The following ABCC12 variants were observed in gnomAD, a reference collection of about 807,000 sequenced individuals.
The protein encoded by ABCC12 is ATP-binding cassette sub-family C member 12.
A neutral mutation model predicts 151.1 loss-of-function variants in ABCC12; 142 were observed. That is an observed-to-expected ratio of 0.94 (90% CI 0.82 to 1.08). The LOEUF (loss-of-function observed/expected upper bound fraction) is 1.08. Ranked by LOEUF, ABCC12 falls within the 50% of genes least tolerant of loss-of-function variation. ABCC12 has a pLI of 0.00. For synonymous variants in ABCC12, 645 were observed against 646.4 expected (o/e 1.00, Z 0.03); for missense variants, 1,638 against 1,691.1 (o/e 0.97, Z 0.55).
intron 24 of ABCC12, among the ~76,000 whole-genome samples, chr16:48,094,631 T>C (rs774267749): frequency 6.6e-5 from 10 of 152,316 alleles, no homozygotes; most frequent in Admixed American, 1.3e-4. Flanking sequence ...GGAGCACACA[T>C]GCACATGGAC....
chr16:48,147,373 T>C (rs1965037888), intron 2 of ABCC12, among the ~76,000 whole-genome samples: 1 of 152,194 alleles, frequency 6.6e-6, no homozygotes. Flanking sequence ...TTCTCCTTTT[T>C]TACCTAAGGT....
At chr16:48,097,161 C>T (rs1379279629) in intron 23 of ABCC12, among the ~76,000 whole-genome samples, 1 of 152,154 alleles carries the variant, frequency 6.6e-6, no homozygotes, top group Non-Finnish European at 1.5e-5. Flanking sequence ...GAGTAGGGTG[C>T]TAAGTGGCTC....
chr16:48,147,814 C>T (rs892005179), intron 2 of ABCC12, among the ~76,000 whole-genome samples: 1 of 152,210 alleles, frequency 6.6e-6, no homozygotes, highest in Non-Finnish European at 1.5e-5. Flanking sequence ...ATCATAATGT[C>T]TTCATCTCAA....
intron 9 of ABCC12, 69 bp from the exon 10 acceptor site, chr16:48,130,964 A>G (rs1964405983): frequency 3.7e-6 from 4 of 1,073,166 alleles, no homozygotes; most frequent in Non-Finnish European, 4.2e-6. Context: ...CGTTATACAC[A>G]TGGGGTTTAA....
In ABCC12 at chr16:48,081,712, G is replaced by T. The variant is rs1265826115; in HGVS notation, c.*2003C>A. 6.6e-6 allele frequency among the ~76,000 whole-genome samples: 1 copy of T among 152,204 alleles called. No individual in the cohort carries two copies. Among genetic ancestry groups the T allele is most frequent in the Non-Finnish European group, 1.5e-5 (1 of 68,024 alleles). On this transcript the variant is annotated 3_prime_UTR_variant, in exon 31 of 31. Transcript: ENST00000311303. ...GGATCAATGTCGGTGTTCTTCTTCTGCCAGAGTAAACCAAAGCGAGTGTGG... is the reference window on the plus strand; with the variant it reads ...GGATCAATGTCGGTGTTCTTCTTCTTCCAGAGTAAACCAAAGCGAGTGTGG...
chr16:48,139,420 G>A, intron 6 of ABCC12, 84 bp from the exon 7 acceptor site: 2 of 1,431,894 alleles, frequency 1.4e-6, no homozygotes, highest in Admixed American at 2.3e-5. Context: ...TTGGCCGAGG[G>A]GATCTAGGGA....
At chr16:48,085,794 T>C (rs1248868999) in intron 28 of ABCC12, 88 bp from the exon 29 acceptor site, 2 of 1,046,914 alleles carry the variant, frequency 1.9e-6, no homozygotes, top group Admixed American at 3.8e-5. Flanking sequence ...TTCTCTTGCA[T>C]TCATCAGCTT....
chr16:48,115,190 G>T (rs1028449341), intron 15 of ABCC12, among the ~76,000 whole-genome samples: 12 of 152,286 alleles, frequency 7.9e-5, no homozygotes, highest in Middle Eastern at 3.4e-3. Flanking sequence ...ACCCTCTGGT[G>T]CAGGAAAAGT....
intron 14 of ABCC12, 96 bp from the exon 15 acceptor site, chr16:48,115,714 G>A: frequency 7.8e-7 from 1 of 1,275,686 alleles, no homozygotes; most frequent in Non-Finnish European, 1.1e-6. Flanking sequence ...TCAGGGGAAA[G>A]ACGTACACAC....
chr16:48,098,090 GACACACAC>G (rs66949388), intron 23 of ABCC12, among the ~76,000 whole-genome samples: 279 of 121,960 alleles, frequency 2.3e-3, no homozygotes, highest in Middle Eastern at 4.3e-3. Flanking sequence ...TGCCCCACCT[GACACACAC>G]ACACACACAC....
At chr16:48,109,267 C>T (rs1371894184) in intron 18 of ABCC12, among the ~76,000 whole-genome samples, 4 of 152,174 alleles carry the variant, frequency 2.6e-5, no homozygotes. Context: ...GCGTATCCCC[C>T]TAGGTCAGCT....
chr16:48,085,814 T>C, intron 28 of ABCC12, 108 bp from the exon 29 acceptor site: 1 of 894,976 alleles, frequency 1.1e-6, no homozygotes, highest in South Asian at 1.5e-5. Flanking sequence ...TGCTTTATTT[T>C]ACTGTGGCAA....
In ABCC12 at chr16:48,124,583, A is replaced by C. The variant is rs945213297; in HGVS notation, c.1516-299T>G. ...TGAAACAGCCTTGTGCTGGTCTGGG[A>C]GACACAGGCCTTGAACAGGAAGGCT... is the stretch of plus-strand genomic sequence containing the variant. On this transcript the variant is annotated intron_variant, in intron 11 of 30. Transcript: ENST00000311303. 4.6e-5 allele frequency among the ~76,000 whole-genome samples: 7 copies of C among 152,364 alleles called. 1 individual carries two copies. The highest frequency in any genetic ancestry group is 4.6e-4 in the Admixed American group (7 of 15,308).
intron 25 of ABCC12, among the ~76,000 whole-genome samples, chr16:48,089,112 G>A (rs1962766495): frequency 6.6e-6 from 1 of 152,124 alleles, no homozygotes; most frequent in African/African-American, 2.4e-5. Flanking sequence ...CCTCCAGGTT[G>A]GGGGAATAGC....
chr16:48,115,508 G>A lies in ABCC12; in HGVS notation c.1896C>T (p.Ala632=), dbSNP rs759480311. 2.7e-5 allele frequency: 43 copies of A among 1,614,062 alleles called. No homozygotes were observed. In the Middle Eastern group the frequency reaches 4.9e-4, roughly 19 times the overall value. Reference sequence around the variant, plus strand: ...CGTGCTTCCCCACGTGGGCGTCCACGGCCGACAGGGGGTCGTCCAGCAGGT... The same window carrying A: ...CGTGCTTCCCCACGTGGGCGTCCACAGCCGACAGGGGGTCGTCCAGCAGGT... The part of the protein sequence containing the change: ...QLYLLDDPLS[A]VDAHVGKHVF... The change falls in exon 15 of 31, where the codon GCC becomes GCT. Residue 632 remains alanine (A), a synonymous_variant. Coordinates refer to ENST00000311303, the MANE Select transcript of ABCC12 (RefSeq NM_001393797.1).
intron 4 of ABCC12, among the ~76,000 whole-genome samples, chr16:48,142,945 T>C (rs968555863): frequency 2.6e-5 from 4 of 152,308 alleles, no homozygotes; most frequent in East Asian, 1.9e-4. Context: ...GAGATTTTCA[T>C]AGTGCTTGCC....
chr16:48,133,195 C>T (rs1359049050), intron 9 of ABCC12, among the ~76,000 whole-genome samples: 4 of 152,280 alleles, frequency 2.6e-5, no homozygotes, highest in Admixed American at 1.3e-4. Context: ...CAGGCTCTCC[C>T]GGGCCCCTTG....
chr16:48,117,714 G>T (rs1303410545), intron 13 of ABCC12, among the ~76,000 whole-genome samples: 1 of 152,174 alleles, frequency 6.6e-6, no homozygotes, highest in Non-Finnish European at 1.5e-5. Context: ...ATGGCCTCCT[G>T]GGGGTCACAG....
intron 11 of ABCC12, among the ~76,000 whole-genome samples, chr16:48,126,628 A>T (rs1964249384): frequency 6.6e-6 from 1 of 152,164 alleles, no homozygotes; most frequent in South Asian, 2.1e-4. Context: ...CACCTTGTGA[A>T]ATGGGTACTT....
Sources: gnomAD v4.1 joint callset for allele counts (sites outside exome capture counted in the v4.1 genomes callset) on GRCh38, gnomAD v4.1.1 for gene constraint, MANE v1.5 for transcripts, NCBI Gene and HGNC (gene_info 2026-07-23, HGNC 2026-07-21) for gene names.